Variants in SMYD3 observed in about 807,000 individuals in gnomAD.
The protein encoded by SMYD3 is histone-lysine N-methyltransferase SMYD3.
SMYD3 carries 36 observed loss-of-function variants against 57.7 expected under a neutral mutation model. The observed-to-expected ratio is 0.62, with a 90% CI of 0.48 to 0.82. The LOEUF (loss-of-function observed/expected upper bound fraction) is 0.82. Ranked by LOEUF, SMYD3 falls within the 40% of genes least tolerant of loss-of-function variation. The pLI, the probability that SMYD3 is intolerant of heterozygous loss-of-function variation, is 0.00. For missense variants in SMYD3, 515 were observed against 538.8 expected, an observed-to-expected ratio of 0.96 and a Z score of 0.44; for synonymous variants, 211 against 195.0, an observed-to-expected ratio of 1.08 and a Z score of -0.68.
At chr1:246,223,161 AAG>A (rs1427072953) in intron 5 of SMYD3, among the ~76,000 whole-genome samples, 2 of 152,098 alleles carry the variant, frequency 1.3e-5, no homozygotes, top group East Asian at 3.8e-4. Flanking sequence ...CTCCTCAGGA[AAG>A]AGAGTCTCCT....
chr1:246,041,269 A>C (rs980341049), intron 5 of SMYD3, among the ~76,000 whole-genome samples: 1 of 151,914 alleles, frequency 6.6e-6, no homozygotes, highest in African/African-American at 2.4e-5. Context: ...AAATATTCCC[A>C]CCCTTAAGCA....
intron 5 of SMYD3, among the ~76,000 whole-genome samples, chr1:246,062,083 C>T (rs1419914304): frequency 2.0e-5 from 3 of 152,160 alleles, no homozygotes; most frequent in South Asian, 4.1e-4. Context: ...TTTTTCAGGG[C>T]AGCACAAACG....
chr1:246,391,176 A>T (rs1352151934), intron 1 of SMYD3, among the ~76,000 whole-genome samples: 1 of 150,206 alleles, frequency 6.7e-6, no homozygotes, highest in Admixed American at 6.7e-5. Context: ...ACTCGAGGCC[A>T]GGAGTTCAAG....
At chr1:246,410,185 T>C (rs571955140) in intron 1 of SMYD3, among the ~76,000 whole-genome samples, 1 of 152,314 alleles carries the variant, frequency 6.6e-6, no homozygotes, top group Admixed American at 6.5e-5. Flanking sequence ...CTGACTGCCC[T>C]GGCCAGAATT....
intron 1 of SMYD3, among the ~76,000 whole-genome samples, chr1:246,391,556 C>T (rs568476469): frequency 8.6e-5 from 13 of 151,578 alleles, no homozygotes; most frequent in Admixed American, 2.0e-4. Context: ...GAGATATATA[C>T]TAGATTCAAA....
At chr1:246,459,520 G>C (rs962472632) in intron 1 of SMYD3, among the ~76,000 whole-genome samples, 1 of 152,050 alleles carries the variant, frequency 6.6e-6, no homozygotes, top group Non-Finnish European at 1.5e-5. Flanking sequence ...TGCGTGGCAC[G>C]TCCCCCTTCA....
chr1:246,432,937 T>C (rs1459185619), intron 1 of SMYD3, among the ~76,000 whole-genome samples: 2 of 152,192 alleles, frequency 1.3e-5, no homozygotes, highest in Non-Finnish European at 2.9e-5. Flanking sequence ...GATCAATAGA[T>C]AAGCTTAAGA....
chr1:245,850,976 A>C (rs1044989924), intron 10 of SMYD3, among the ~76,000 whole-genome samples: 3 of 123,016 alleles, frequency 2.4e-5, no homozygotes, highest in African/African-American at 1.1e-4. Flanking sequence ...GGGTTTAGCC[A>C]TAGGGAGGGC....
intron 5 of SMYD3, among the ~76,000 whole-genome samples, chr1:246,012,487 A>G (rs774674043): frequency 1.3e-5 from 2 of 152,216 alleles, no homozygotes; most frequent in Non-Finnish European, 2.9e-5. Flanking sequence ...TTTCCCTGGC[A>G]AGAAACCTTT....
intron 5 of SMYD3, among the ~76,000 whole-genome samples, chr1:246,000,063 T>C (rs2059011432): frequency 6.6e-6 from 1 of 152,224 alleles, no homozygotes; most frequent in Non-Finnish European, 1.5e-5. Flanking sequence ...GACTCCTAGT[T>C]TACACTCAGT....
At chr1:245,889,560 T>C (rs2053267406) in intron 8 of SMYD3, among the ~76,000 whole-genome samples, 2 of 152,192 alleles carry the variant, frequency 1.3e-5, no homozygotes, top group African/African-American at 4.8e-5. Flanking sequence ...TAAATGTCAA[T>C]AGAAGCCTTG....
intron 1 of SMYD3, among the ~76,000 whole-genome samples, chr1:246,474,519 C>CAAAAA (rs35626265): frequency 2.5e-5 from 2 of 78,828 alleles, no homozygotes; most frequent in Non-Finnish European, 2.6e-5. Context: ...ACTCCCCTCT[C>CAAAAA]AAAAAAAAAA....
chr1:246,476,932 G>A (rs2068037210), intron 1 of SMYD3, among the ~76,000 whole-genome samples: 1 of 152,170 alleles, frequency 6.6e-6, no homozygotes, highest in Non-Finnish European at 1.5e-5. Context: ...GTAAAAGACA[G>A]CTTGTCTCTG....
chr1:246,258,904 T>C (rs554237934), intron 5 of SMYD3, among the ~76,000 whole-genome samples: 1 of 152,328 alleles, frequency 6.6e-6, no homozygotes, highest in African/African-American at 2.4e-5. Context: ...CAAAGACTGT[T>C]TATTTTATTA....
At chr1:245,807,414 A>G (rs1054036357) in intron 10 of SMYD3, among the ~76,000 whole-genome samples, 1 of 152,236 alleles carries the variant, frequency 6.6e-6, no homozygotes, top group Non-Finnish European at 1.5e-5. Context: ...AAGGCCAGAA[A>G]GGGTCCACCG....
intron 8 of SMYD3, among the ~76,000 whole-genome samples, chr1:245,882,072 G>A (rs543401843): frequency 2.6e-5 from 4 of 152,186 alleles, no homozygotes; most frequent in South Asian, 2.1e-4. Context: ...TGGCTTTTGC[G>A]AGAAAACTAA....
intron 1 of SMYD3, among the ~76,000 whole-genome samples, chr1:246,419,466 A>T (rs1008171990): frequency 6.6e-6 from 1 of 152,176 alleles, no homozygotes; most frequent in Non-Finnish European, 1.5e-5. Context: ...GGGTTTTTAT[A>T]GGCCCAGGAT....
chr1:245,967,837 A>C (rs894295343), intron 5 of SMYD3, among the ~76,000 whole-genome samples: 1 of 152,222 alleles, frequency 6.6e-6, no homozygotes, highest in African/African-American at 2.4e-5. Flanking sequence ...AGCAGCTTTC[A>C]GTGGAATAAT....
chr1:245,965,337 G>C (rs10924413), intron 5 of SMYD3, among the ~76,000 whole-genome samples: 19,498 of 152,160 alleles, frequency 0.13, 1,290 homozygotes, highest in South Asian at 0.22. Context: ...TTCGAAAATG[G>C]ACTTGGATTA....
Sources: gnomAD v4.1 joint callset for allele counts (sites outside exome capture counted in the v4.1 genomes callset) on GRCh38, gnomAD v4.1.1 for gene constraint, MANE v1.5 for transcripts, NCBI Gene and HGNC (gene_info 2026-07-23, HGNC 2026-07-21) for gene names.